The following PTPRT variants were observed in gnomAD, a reference collection of about 807,000 sequenced individuals.
The protein encoded by PTPRT is protein tyrosine phosphatase receptor type T.
Under a neutral mutation model 176.8 loss-of-function variants are expected in PTPRT, and 56 were observed. The ratio of observed to expected loss-of-function variants is 0.32; its 90% CI spans 0.26 to 0.40. The LOEUF is 0.40. Ranked by LOEUF, PTPRT falls within the 10% of genes least tolerant of loss-of-function variation. The pLI, the probability that PTPRT is intolerant of heterozygous loss-of-function variation, is 1.00. For missense variants in PTPRT, 1,540 were observed against 1,908.2 expected (o/e 0.81, Z 3.60); for synonymous variants, 783 against 739.0 (o/e 1.06, Z -0.96).
chr20:42,106,699 C>T (rs1490274677), intron 24 of PTPRT, 87 bp downstream of exon 24: 2 of 1,523,792 alleles, frequency 1.3e-6, no homozygotes, highest in East Asian at 2.3e-5. Flanking sequence ...TAGGATGCCC[C>T]TACCTATGTG....
intron 7 of PTPRT, 115 bp downstream of exon 7, chr20:42,677,751 A>G: frequency 8.3e-7 from 1 of 1,200,636 alleles, no homozygotes; most frequent in Non-Finnish European, 1.2e-6. Flanking sequence ...AATAGGAAGC[A>G]CATTCACATT....
chr20:43,087,489 G>A (rs1021065973), intron 1 of PTPRT, among the ~76,000 whole-genome samples: 5 of 150,612 alleles, frequency 3.3e-5, no homozygotes, highest in African/African-American at 7.3e-5. Context: ...TCAGCCTCTC[G>A]AGAGGCTGGG....
chr20:42,174,796 G>T (rs1294809087), intron 16 of PTPRT, among the ~76,000 whole-genome samples: 2 of 151,996 alleles, frequency 1.3e-5, no homozygotes, highest in Non-Finnish European at 2.9e-5. Flanking sequence ...TACTGCCTGT[G>T]TGATTTTGGG....
intron 1 of PTPRT, among the ~76,000 whole-genome samples, chr20:43,160,299 C>T (rs1031029929): frequency 6.6e-6 from 1 of 152,188 alleles, no homozygotes; most frequent in Non-Finnish European, 1.5e-5. Context: ...CACGCTGAGA[C>T]GGACCAGGCT....
At chr20:42,053,471 C>A in the PTPRT span, among the ~76,000 whole-genome samples, 1 of 152,222 alleles carries the variant, frequency 6.6e-6, no homozygotes, top group African/African-American at 2.4e-5. Flanking sequence ...ACAAGCTCCG[C>A]TGTGGGCCTC....
intron 1 of PTPRT, among the ~76,000 whole-genome samples, chr20:42,903,985 T>G (rs1248256297): frequency 3.9e-5 from 6 of 152,074 alleles, no homozygotes; most frequent in Non-Finnish European, 8.8e-5. Flanking sequence ...CTCCTAGCAA[T>G]TACAGGAAGT....
At chr20:42,231,752 A>G (rs973916772) in intron 15 of PTPRT, among the ~76,000 whole-genome samples, 4 of 152,224 alleles carry the variant, frequency 2.6e-5, no homozygotes, top group African/African-American at 9.7e-5. Flanking sequence ...ATTCAAACAC[A>G]TAGCTATGAC....
intron 1 of PTPRT, among the ~76,000 whole-genome samples, chr20:43,107,923 G>A (rs1254403350): frequency 2.0e-5 from 3 of 152,242 alleles, no homozygotes; most frequent in Non-Finnish European, 4.4e-5. Context: ...ATTCTTCCGT[G>A]TAGGGAATCA....
At chr20:42,839,595 T>C (rs966338658) in intron 2 of PTPRT, among the ~76,000 whole-genome samples, 35 of 152,068 alleles carry the variant, frequency 2.3e-4, no homozygotes, top group Admixed American at 2.2e-3. Flanking sequence ...GCTTTACAAA[T>C]AAGGGAAAGC....
chr20:42,044,521 C>T, the PTPRT span, among the ~76,000 whole-genome samples: 2 of 152,200 alleles, frequency 1.3e-5, no homozygotes, highest in Non-Finnish European at 2.9e-5. Context: ...TCTTCTCTGT[C>T]CTCCATGTCT....
chr20:42,063,968 G>A, the PTPRT span: 34 of 151,750 alleles, frequency 2.2e-4, no homozygotes, highest in African/African-American at 7.5e-4. Context: ...GTAATAAAAC[G>A]CACTGAATTG....
intron 2 of PTPRT, among the ~76,000 whole-genome samples, chr20:42,792,314 G>A (rs746386951): frequency 4.6e-5 from 7 of 152,200 alleles, no homozygotes; most frequent in Non-Finnish European, 1.0e-4. Context: ...TTTTCAGTGT[G>A]TCATGCAGCT....
intron 1 of PTPRT, among the ~76,000 whole-genome samples, chr20:43,000,808 A>C (rs2146128852): frequency 6.6e-6 from 1 of 152,314 alleles, no homozygotes; most frequent in East Asian, 1.9e-4. Flanking sequence ...CGACAGAAGA[A>C]AATATTCATA....
At chr20:42,550,641 C>T (rs989146527) in intron 7 of PTPRT, among the ~76,000 whole-genome samples, 1 of 152,054 alleles carries the variant, frequency 6.6e-6, no homozygotes, top group African/African-American at 2.4e-5. Flanking sequence ...TGGCTCCTGG[C>T]ACAGACATTT....
chr20:42,588,933 A>G (rs2073519876), intron 7 of PTPRT, among the ~76,000 whole-genome samples: 1 of 152,204 alleles, frequency 6.6e-6, no homozygotes, highest in African/African-American at 2.4e-5. Context: ...CAAGACGTAA[A>G]GTTATATGGT....
intron 9 of PTPRT, among the ~76,000 whole-genome samples, chr20:42,361,265 T>C (rs1266232743): frequency 2.6e-5 from 4 of 152,188 alleles, no homozygotes; most frequent in Non-Finnish European, 5.9e-5. Flanking sequence ...TATTTAATAA[T>C]TAAGGAGGCC....
chr20:42,829,293 C>G (rs2078049743), intron 2 of PTPRT, among the ~76,000 whole-genome samples: 1 of 152,222 alleles, frequency 6.6e-6, no homozygotes, highest in African/African-American at 2.4e-5. Context: ...CCCGTACCTC[C>G]ACTGTATCTG....
chr20:42,623,075 T>C (rs6102957), intron 7 of PTPRT, among the ~76,000 whole-genome samples: 31,606 of 152,076 alleles, frequency 0.21, 4,576 homozygotes, highest in African/African-American at 0.41. Flanking sequence ...ATTCCCCCTC[T>C]AGCTCCCCAT....
rs555774056 is a variant in PTPRT, at chr20:42,075,921, T to C, written c.*4958A>G. The C allele has an allele frequency of 9.4e-6, 2 of 212,938 alleles. No individual in the cohort carries two copies. Among genetic ancestry groups the C allele is most frequent in the South Asian group, 3.7e-4 (2 of 5,352 alleles). The allele number at this position is 212,938 out of a possible 1,614,324, so 13.2% of individuals were successfully genotyped here. The stretch of plus-strand genomic sequence containing the variant: ...AGCTGTTACCCATCCTTTCTCCAGC[T>C]ATGTCACAGAAGTGACCATTTTGCT... On this transcript the variant is annotated 3_prime_UTR_variant, in exon 31 of 31. Coordinates refer to ENST00000373187, the MANE Select transcript of PTPRT (RefSeq NM_007050.6).
Sources: allele counts gnomAD v4.1 joint callset (sites outside exome capture counted in the v4.1 genomes callset), GRCh38; gene constraint gnomAD v4.1.1; transcripts MANE v1.5; gene names NCBI Gene and HGNC (gene_info 2026-07-23, HGNC 2026-07-21).